The following PIKFYVE variants were observed in gnomAD, a reference collection of about 807,000 sequenced individuals.
PIKFYVE encodes 1-phosphatidylinositol 3-phosphate 5-kinase.
Under a neutral mutation model 257.9 loss-of-function variants are expected in PIKFYVE, and 122 were observed. The ratio of observed to expected loss-of-function variants is 0.47; its 90% CI spans 0.41 to 0.55. The LOEUF is 0.55. Ranked by LOEUF, PIKFYVE falls within the 20% of genes least tolerant of loss-of-function variation. The pLI is 0.00. For synonymous variants in PIKFYVE, 892 were observed against 868.9 expected, an observed-to-expected ratio of 1.03 and a Z score of -0.47; for missense variants, 2,160 against 2,536.6, an observed-to-expected ratio of 0.85 and a Z score of 3.19.
At chr2:208,344,542 AT>A (rs1699041340) in intron 32 of PIKFYVE, among the ~76,000 whole-genome samples, 1 of 152,160 alleles carries the variant, frequency 6.6e-6, no homozygotes, top group Non-Finnish European at 1.5e-5. Context: ...TTTTTGTACT[AT>A]TAGGAAGTAA....
intron 16 of PIKFYVE, among the ~76,000 whole-genome samples, chr2:208,318,155 A>G (rs1006930965): frequency 2.0e-5 from 3 of 152,182 alleles, no homozygotes; most frequent in African/African-American, 7.2e-5. Flanking sequence ...CACCAGACAG[A>G]AGGAGGAAGG....
At chr2:208,339,373 CTT>C in intron 29 of PIKFYVE, 43 bp from the exon 30 acceptor site, 1 of 1,602,020 alleles carries the variant, frequency 6.2e-7, no homozygotes, top group South Asian at 1.1e-5. Context: ...TAGACATGGA[CTT>C]AATGTATGTA....
chr2:208,269,571 G>A, intron 1 of PIKFYVE: 1 of 284,206 alleles, frequency 3.5e-6, no homozygotes, highest in Non-Finnish European at 7.1e-6. Context: ...CCTGGAGCAT[G>A]GGCAGGAAAG....
chr2:208,273,498 C>T, intron 2 of PIKFYVE, 86 bp from the exon 3 acceptor site: 1 of 1,532,820 alleles, frequency 6.5e-7, no homozygotes, highest in Middle Eastern at 1.9e-4. Flanking sequence ...TACATGCATA[C>T]ATTGTTGCCT....
chr2:208,305,236 T>A, intron 12 of PIKFYVE: 1 of 1,420,212 alleles, frequency 7.0e-7, no homozygotes. Context: ...CCATGCCCAG[T>A]GTAAAGCTTG....
chr2:208,324,288 T>A lies in PIKFYVE; in HGVS notation c.2331+6T>A. 6.2e-7 allele frequency: 1 copy of A among 1,613,246 alleles called. No homozygotes were observed. The highest frequency in any genetic ancestry group is 8.5e-7 in the Non-Finnish European group (1 of 1,179,296). On this transcript the variant is annotated splice_donor_region_variant and intron_variant, in intron 18 of 41. Transcript: ENST00000264380. Reference sequence around the variant, plus strand: ...TGGTCATTAATGTAAAGTCAGTGAGTGTTTTTAATTTTCTATTGTATTTTA... The same window carrying A: ...TGGTCATTAATGTAAAGTCAGTGAGAGTTTTTAATTTTCTATTGTATTTTA...
In PIKFYVE at chr2:208,325,710, C is replaced by G. The variant is rs61755423; in HGVS notation, c.2899C>G (p.Leu967Val). 6.2e-7 allele frequency: 1 copy of G among 1,613,286 alleles called. No homozygotes were observed. Among genetic ancestry groups the G allele is most frequent in the Non-Finnish European group, 8.5e-7 (1 of 1,179,422 alleles). Residue 967 changes from leucine to valine, a missense_variant, in exon 20 of 42, where the codon CTC becomes GTC. By Grantham distance (32) the Leu-to-Val change is conservative. Coordinates refer to ENST00000264380, the MANE Select transcript of PIKFYVE (RefSeq NM_015040.4). Reference sequence around the variant, plus strand: ...TAGCACAACAGCTTGCCCGGCGGGTCTCCCTTGTGCTTTCTTTGCACCTGT... The same window carrying G: ...TAGCACAACAGCTTGCCCGGCGGGTGTCCCTTGTGCTTTCTTTGCACCTGT... ...EHSTTACPAG[L>V]PCAFFAPVPE...
rs979913884 is a variant in PIKFYVE at position 208,299,254 on chromosome 2, C to T, written c.1050+475C>T. 2.6e-5 allele frequency among the ~76,000 whole-genome samples: 4 copies of T among 152,090 alleles called. No homozygotes were observed. In the East Asian group the frequency reaches 7.7e-4, roughly 29 times the overall value. ...TGAGAGATGGGTCAAGTATTCTATA[C>T]TCATTGCATTAATATTTTCTTTTCT... On this transcript the variant is annotated intron_variant, in intron 8 of 41. Transcript: ENST00000264380.
At chr2:208,326,538 A>G (rs1312369005) in intron 20 of PIKFYVE, 109 bp downstream of exon 20, 3 of 1,196,162 alleles carry the variant, frequency 2.5e-6, no homozygotes, top group African/African-American at 1.5e-5. Context: ...GATTTGTGAA[A>G]TATTTCTTCT....
intron 33 of PIKFYVE, 43 bp from the exon 34 acceptor site, chr2:208,346,007 T>A (rs778924163): frequency 6.9e-7 from 1 of 1,452,096 alleles, no homozygotes; most frequent in Non-Finnish European, 9.7e-7. Context: ...TCTGTTTGAC[T>A]TGTATAAAAC....
At chr2:208,339,286 C>A in intron 29 of PIKFYVE, 132 bp from the exon 30 acceptor site, 1 of 986,862 alleles carries the variant, frequency 1.0e-6, no homozygotes, top group Non-Finnish European at 1.6e-6. Context: ...AGCTATATGA[C>A]CTAGATGATT....
In PIKFYVE at chr2:208,327,198, A is replaced by G. The variant is rs900439576; in HGVS notation, c.3618+769A>G. 7.9e-5 allele frequency among the ~76,000 whole-genome samples: 12 copies of G among 152,220 alleles called. No individual in the cohort carries two copies. In the South Asian group the frequency reaches 2.3e-3, roughly 29 times the overall value. ...TAAAAGACCCATGGTTAATGATGGC[A>G]TGGAAAAACACCTTTCATAAATTTT... On this transcript the variant is annotated intron_variant, in intron 20 of 41. Coordinates refer to ENST00000264380, the MANE Select transcript of PIKFYVE (RefSeq NM_015040.4).
Position 208,315,292 on chromosome 2 carries a change from C to T in PIKFYVE, c.1926C>T (p.Cys642=), listed in dbSNP as rs1695370324. 2 of 1,614,132 alleles carry T rather than the reference C, an allele frequency of 1.2e-6. No homozygotes were observed. The highest frequency in any genetic ancestry group is 1.3e-5 in the African/African-American group (1 of 75,044). The change falls in exon 15 of 42, where the codon TGC becomes TGT. Residue 642 remains cysteine (C), a synonymous_variant. Transcript: ENST00000264380. The part of the protein sequence containing the change: ...SWRDIIVSLV[C]QVVQTVRPDV... ...GGGACATCATCGTGTCATTGGTCTGCCAGGTTGTTCAGACAGTCCGACCTG... is the reference window on the plus strand; with the variant it reads ...GGGACATCATCGTGTCATTGGTCTGTCAGGTTGTTCAGACAGTCCGACCTG...
rs1559183086 is a variant in PIKFYVE at position 208,354,041 on chromosome 2, T to C, written c.5988T>C (p.Ala1996=). ...TATATATTCGTTCTCATTCCAAAGCTGTGCTGAGAACCTCGATCCATAGTG... is the reference window on the plus strand; with the variant it reads ...TATATATTCGTTCTCATTCCAAAGCCGTGCTGAGAACCTCGATCCATAGTG... ...NPLYIRSHSK[A]VLRTSIHSDS... Residue 1996 remains alanine, a synonymous_variant, in exon 40 of 42, where the codon GCT becomes GCC. Coordinates refer to ENST00000264380, the MANE Select transcript of PIKFYVE (RefSeq NM_015040.4). 1 of 1,614,120 alleles carries C rather than the reference T, an allele frequency of 6.2e-7. No homozygotes were observed. Among genetic ancestry groups the C allele is most frequent in the Non-Finnish European group, 8.5e-7 (1 of 1,179,978 alleles).
chr2:208,352,874 T>C, intron 39 of PIKFYVE, 92 bp downstream of exon 39: 1 of 1,469,200 alleles, frequency 6.8e-7, no homozygotes, highest in South Asian at 1.2e-5. Flanking sequence ...TAACATCTTA[T>C]TTTATAGTAA....
chr2:208,284,806 A>T (rs1691328409), intron 5 of PIKFYVE, among the ~76,000 whole-genome samples: 1 of 152,000 alleles, frequency 6.6e-6, no homozygotes, highest in South Asian at 2.1e-4. Context: ...TGTCTCTGTT[A>T]GATTTCTTTT....
At chr2:208,317,772 G>A (rs1268680074) in intron 15 of PIKFYVE, 95 bp from the exon 16 acceptor site, 6 of 1,222,556 alleles carry the variant, frequency 4.9e-6, no homozygotes, top group Non-Finnish European at 7.2e-6. Context: ...TTACATAATA[G>A]TTTAAAAAAA....
intron 12 of PIKFYVE, among the ~76,000 whole-genome samples, chr2:208,309,918 A>G (rs1052947911): frequency 6.6e-6 from 1 of 152,232 alleles, no homozygotes; most frequent in Non-Finnish European, 1.5e-5. Context: ...CTACTCAGTG[A>G]GAATATTACA....
chr2:208,284,172 C>G (rs1574443255), intron 5 of PIKFYVE, among the ~76,000 whole-genome samples: 1 of 151,692 alleles, frequency 6.6e-6, no homozygotes, highest in African/African-American at 2.4e-5. Flanking sequence ...GAAATGAAAA[C>G]TTCTATTTGG....
Sources: allele counts gnomAD v4.1 joint callset (sites outside exome capture counted in the v4.1 genomes callset), GRCh38; gene constraint gnomAD v4.1.1; transcripts MANE v1.5; gene names NCBI Gene and HGNC (gene_info 2026-07-23, HGNC 2026-07-21).